The following CSNK2A2IP variants were observed in gnomAD, a reference collection of about 807,000 sequenced individuals.
CSNK2A2IP encodes casein kinase II subunit alpha'-interacting protein.
At chr3:88,356,691 A>G in the CSNK2A2IP span, among the ~76,000 whole-genome samples, 1 of 152,208 alleles carries the variant, frequency 6.6e-6, no homozygotes, top group South Asian at 2.1e-4. Flanking sequence ...TCTAGTGGCT[A>G]TACTAACTTA....
At chr3:88,456,657 C>CTT in the CSNK2A2IP span, among the ~76,000 whole-genome samples, 34 of 140,116 alleles carry the variant, frequency 2.4e-4, no homozygotes, top group African/African-American at 7.5e-4. Context: ...TCTTCCTTTC[C>CTT]TTTTTTTTTT....
the CSNK2A2IP span, among the ~76,000 whole-genome samples, chr3:88,460,545 C>T: frequency 7.9e-5 from 12 of 152,174 alleles, no homozygotes; most frequent in African/African-American, 1.4e-4. Flanking sequence ...AATTTTGTTT[C>T]GGATGTGTCT....
the CSNK2A2IP span, among the ~76,000 whole-genome samples, chr3:88,460,288 A>G: frequency 6.6e-6 from 1 of 152,190 alleles, no homozygotes; most frequent in African/African-American, 2.4e-5. Flanking sequence ...TGGAAGTGTC[A>G]TTTTGCCAAG....
chr3:88,406,398 T>C, the CSNK2A2IP span, among the ~76,000 whole-genome samples: 1 of 152,230 alleles, frequency 6.6e-6, no homozygotes, highest in Non-Finnish European at 1.5e-5. Context: ...GCGCAGTTGC[T>C]TTAAATGTTA....
At chr3:88,442,534 T>G in the CSNK2A2IP span, among the ~76,000 whole-genome samples, 10 of 152,102 alleles carry the variant, frequency 6.6e-5, no homozygotes, top group Admixed American at 1.3e-4. Flanking sequence ...TTTATAATAA[T>G]AAGAATAATA....
the CSNK2A2IP span, among the ~76,000 whole-genome samples, chr3:88,457,622 G>T: frequency 2.0e-4 from 31 of 151,744 alleles, no homozygotes; most frequent in African/African-American, 7.5e-4. Flanking sequence ...GCTTGAACTG[G>T]GAGGCAGAGG....
At chr3:88,405,642 C>T in the CSNK2A2IP span, among the ~76,000 whole-genome samples, 1 of 152,128 alleles carries the variant, frequency 6.6e-6, no homozygotes, top group Non-Finnish European at 1.5e-5. Flanking sequence ...TTTCTTTATA[C>T]CCTGCCCTAC....
chr3:88,388,579 A>C, the CSNK2A2IP span, among the ~76,000 whole-genome samples: 3 of 152,212 alleles, frequency 2.0e-5, no homozygotes, highest in Non-Finnish European at 2.9e-5. Context: ...CAATGTTAGG[A>C]TAGAGAATAT....
At chr3:88,451,646 G>T in the CSNK2A2IP span, among the ~76,000 whole-genome samples, 3 of 149,488 alleles carry the variant, frequency 2.0e-5, no homozygotes, top group East Asian at 5.9e-4. Context: ...ACCTTTCATT[G>T]GTTCTTCTCC....
chr3:88,461,425 C>T, the CSNK2A2IP span, among the ~76,000 whole-genome samples: 4 of 151,722 alleles, frequency 2.6e-5, no homozygotes, highest in South Asian at 2.1e-4. Flanking sequence ...TGGTGGTGGG[C>T]GCCTGTAGTC....
the CSNK2A2IP span, among the ~76,000 whole-genome samples, chr3:88,411,941 A>G: frequency 2.6e-5 from 4 of 151,700 alleles, no homozygotes; most frequent in Admixed American, 2.6e-4. Context: ...ACTTTTTAAA[A>G]TGTGCTGACT....
At chr3:88,428,322 C>T in the CSNK2A2IP span, among the ~76,000 whole-genome samples, 1 of 152,094 alleles carries the variant, frequency 6.6e-6, no homozygotes, top group Non-Finnish European at 1.5e-5. Context: ...AAGGGACTTG[C>T]CTTGTCTCAG....
chr3:88,460,621 A>G, the CSNK2A2IP span, among the ~76,000 whole-genome samples: 1 of 152,222 alleles, frequency 6.6e-6, no homozygotes, highest in East Asian at 1.9e-4. Flanking sequence ...ACAAAAATAC[A>G]CATACTGTAA....
chr3:88,387,570 G>A, the CSNK2A2IP span, among the ~76,000 whole-genome samples: 1 of 151,964 alleles, frequency 6.6e-6, no homozygotes, highest in African/African-American at 2.4e-5. Flanking sequence ...TTACAATTTT[G>A]TATGTAGCTC....
chr3:88,434,749 C>G, the CSNK2A2IP span, among the ~76,000 whole-genome samples: 1 of 152,100 alleles, frequency 6.6e-6, no homozygotes, highest in Non-Finnish European at 1.5e-5. Flanking sequence ...AAGCCACTCA[C>G]AGAAGTACCT....
chr3:88,378,283 A>AT, the CSNK2A2IP span, among the ~76,000 whole-genome samples: 14 of 151,730 alleles, frequency 9.2e-5, no homozygotes, highest in African/African-American at 2.2e-4. Context: ...CTCCTTCTGG[A>AT]TTTTTTTTCA....
the CSNK2A2IP span, among the ~76,000 whole-genome samples, chr3:88,459,881 G>T: frequency 5.9e-5 from 9 of 151,504 alleles, no homozygotes; most frequent in African/African-American, 2.2e-4. Context: ...GATCAACTTG[G>T]GTCACAATAG....
chr3:88,407,320 G>A, the CSNK2A2IP span, among the ~76,000 whole-genome samples: 1 of 150,948 alleles, frequency 6.6e-6, no homozygotes, highest in African/African-American at 2.4e-5. Context: ...AAAGGAGAGG[G>A]AGGGTCTGAA....
the CSNK2A2IP span, among the ~76,000 whole-genome samples, chr3:88,451,700 T>C: frequency 6.6e-6 from 1 of 151,294 alleles, no homozygotes; most frequent in Non-Finnish European, 1.5e-5. Flanking sequence ...GTTAAAATTT[T>C]TTTATATATT....
Sources: gnomAD v4.1 joint callset for allele counts (sites outside exome capture counted in the v4.1 genomes callset) on GRCh38, gnomAD v4.1.1 for gene constraint, MANE v1.5 for transcripts, NCBI Gene and HGNC (gene_info 2026-07-23, HGNC 2026-07-21) for gene names.